The following MXD1 variants were observed in gnomAD, a reference collection of about 807,000 sequenced individuals.
MXD1 encodes the protein MAX dimerization protein 1.
In MXD1, 9 loss-of-function variants were observed where a neutral mutation model predicts 25.7. The ratio of observed to expected loss-of-function variants is 0.35; its 90% CI spans 0.21 to 0.61. The LOEUF is 0.61. Among genes scored for constraint, MXD1 ranks in the 20% least tolerant of loss-of-function variants. The pLI is 0.75. For missense variants in MXD1, 227 were observed against 292.4 expected (o/e 0.78, Z 1.63); for synonymous variants, 99 against 113.9 (o/e 0.87, Z 0.83).
At chr2:69,920,316 G>A (rs1049765984) in intron 2 of MXD1, among the ~76,000 whole-genome samples, 1 of 152,046 alleles carries the variant, frequency 6.6e-6, no homozygotes, top group Non-Finnish European at 1.5e-5. Context: ...ATTTTGGATT[G>A]GTTTGAATAC....
chr2:69,925,859 A>G (rs1031482649), intron 3 of MXD1, among the ~76,000 whole-genome samples: 1 of 152,214 alleles, frequency 6.6e-6, no homozygotes, highest in African/African-American at 2.4e-5. Flanking sequence ...ATTGTCCACC[A>G]GGCAGGTTAC....
chr2:69,915,294 T>TG lies in MXD1; in HGVS notation c.-32dup, dbSNP rs904575925. On this transcript the variant is annotated 5_prime_UTR_variant, in exon 1 of 6. Coordinates refer to ENST00000264444, the MANE Select transcript of MXD1 (RefSeq NM_002357.4). This position sits in a 1 kb window ranked among gnomAD's most constrained non-coding sequence, Gnocchi z 5.8. ...GCGGCGGCAGCGAGCCCGTGGGCAG[T>TG]GGGGGTTGGTCCCGTGGCTCCGGCC... The TG allele has an allele frequency of 1.3e-5, 17 of 1,302,322 alleles. No homozygotes were observed. The highest frequency in any genetic ancestry group is 1.7e-5 in the Non-Finnish European group (17 of 1,016,822). The allele number at this position is 1,302,322 out of a possible 1,614,324, so 80.7% of individuals were successfully genotyped here.
In MXD1 at chr2:69,938,511, AC is replaced by A. The variant is rs1424622274; in HGVS notation, c.*228del. On this transcript the variant is annotated 3_prime_UTR_variant, in exon 6 of 6. Transcript: ENST00000264444. ...TAAAAATTTGTCTCTGAGAGACTATACATTCCAATCAATTTGAAGCATCCAA... is the reference window on the plus strand; with the variant it reads ...TAAAAATTTGTCTCTGAGAGACTATAATTCCAATCAATTTGAAGCATCCAA... 1 of 506,374 alleles carries A rather than the reference AC, an allele frequency of 2.0e-6. No homozygotes were observed. Among genetic ancestry groups the A allele is most frequent in the African/African-American group, 1.9e-5 (1 of 51,576 alleles). 31.4% of individuals were successfully genotyped at this position (506,374 alleles called of 1,614,324 possible). A position where few individuals can be genotyped will look rare whatever the true frequency, so the allele number is the denominator to read the frequency against.
At chr2:69,927,067 T>C (rs997014729) in intron 3 of MXD1, among the ~76,000 whole-genome samples, 27 of 152,246 alleles carry the variant, frequency 1.8e-4, no homozygotes, top group African/African-American at 6.5e-4. Flanking sequence ...CAGCCCAATC[T>C]AAGCTGTTAT....
chr2:69,933,585 A>G (rs1677352684), intron 3 of MXD1, among the ~76,000 whole-genome samples: 1 of 152,154 alleles, frequency 6.6e-6, no homozygotes, highest in Non-Finnish European at 1.5e-5. Context: ...CAAGCCTTAG[A>G]GCACCCTTGG....
chr2:69,925,617 T>C (rs1187721816), intron 3 of MXD1, among the ~76,000 whole-genome samples: 2 of 152,166 alleles, frequency 1.3e-5, no homozygotes, highest in African/African-American at 4.8e-5. Context: ...GTTATAAACA[T>C]TTTCCAATGT....
At chr2:69,935,488 G>A in intron 4 of MXD1, 23 bp downstream of exon 4, 2 of 1,504,146 alleles carry the variant, frequency 1.3e-6, no homozygotes, top group Non-Finnish European at 1.9e-6. Context: ...TTGGGATGCT[G>A]CTTTATCTTT....
intron 3 of MXD1, among the ~76,000 whole-genome samples, chr2:69,932,728 C>G (rs1677320412): frequency 1.3e-5 from 2 of 152,156 alleles, no homozygotes; most frequent in South Asian, 4.1e-4. Flanking sequence ...GACAATGCAT[C>G]AAAAGATGAC....
At chr2:69,922,916 C>G (rs1354584194) in intron 3 of MXD1, among the ~76,000 whole-genome samples, 1 of 149,190 alleles carries the variant, frequency 6.7e-6, no homozygotes, top group African/African-American at 2.5e-5. Context: ...CTAATGTAAT[C>G]AACTCCTATG....
intron 4 of MXD1, among the ~76,000 whole-genome samples, chr2:69,936,299 T>C (rs577118954): frequency 6.6e-6 from 1 of 152,194 alleles, no homozygotes; most frequent in African/African-American, 2.4e-5. Flanking sequence ...TGTGTGACCA[T>C]TGTGTTGTCT....
Position 69,915,969 on chromosome 2 carries a change from A to T in MXD1, c.74-152A>T, listed in dbSNP as rs1676954810. On this transcript the variant is annotated intron_variant, in intron 1 of 5. Transcript: ENST00000264444. This position sits in a 1 kb window ranked among gnomAD's most constrained non-coding sequence, Gnocchi z 5.8. ...GACGATATTCACACAATTTTTTTTT[A>T]AATCATTGTTCTCAGAATTCCACCT... 5 of 634,230 alleles carry T rather than the reference A, an allele frequency of 7.9e-6. No homozygotes were observed. Among genetic ancestry groups the T allele is most frequent in the Admixed American group, 3.0e-5 (1 of 33,688 alleles). 39.3% of individuals were successfully genotyped at this position (634,230 alleles called of 1,614,324 possible).
chr2:69,915,528 C>T lies in MXD1; in HGVS notation c.73+125C>T. 2 of 697,706 alleles carry T rather than the reference C, an allele frequency of 2.9e-6. No homozygotes were observed. Among genetic ancestry groups the T allele is most frequent in the Non-Finnish European group, 4.1e-6 (2 of 487,674 alleles). The allele number at this position is 697,706 out of a possible 1,614,324, so 43.2% of individuals were successfully genotyped here. A position where few individuals can be genotyped will look rare whatever the true frequency, so the allele number is the denominator to read the frequency against. On this transcript the variant is annotated intron_variant, in intron 1 of 5. Transcript: ENST00000264444. This position sits in a 1 kb window ranked among gnomAD's most constrained non-coding sequence, Gnocchi z 5.8. ...GCGGGGAGACCGCGAGCGCTCCCAA[C>T]CCCTCTGGCTCTCCCCACGCGCGGT...
At position 69,937,342 on chromosome 2, in the gene MXD1, G is replaced by T; in HGVS notation, c.426G>T (p.Arg142=). The change falls in exon 5 of 6, where the codon CGG becomes CGT. Residue 142 remains arginine, a synonymous_variant. Coordinates refer to ENST00000264444, the MANE Select transcript of MXD1 (RefSeq NM_002357.4). ...AGAAGCTGGGCATTGAGAGGATCCGGATGGACAGCATCGGCTCCACCGTCT... is the reference window on the plus strand; with the variant it reads ...AGAAGCTGGGCATTGAGAGGATCCGTATGGACAGCATCGGCTCCACCGTCT... The part of the protein sequence containing the change: ...QLEKLGIERI[R]MDSIGSTVSS... 6.2e-7 allele frequency: 1 copy of T among 1,614,076 alleles called. No individual in the cohort carries two copies. The highest frequency in any genetic ancestry group is 8.5e-7 in the Non-Finnish European group (1 of 1,180,016).
At chr2:69,922,615 C>T (rs1483361637) in intron 3 of MXD1, among the ~76,000 whole-genome samples, 1 of 152,186 alleles carries the variant, frequency 6.6e-6, no homozygotes, top group African/African-American at 2.4e-5. Context: ...TACAGTGGCT[C>T]ATACCTGTAA....
At chr2:69,918,794 C>T (rs1029757113) in intron 2 of MXD1, among the ~76,000 whole-genome samples, 1 of 152,198 alleles carries the variant, frequency 6.6e-6, no homozygotes, top group African/African-American at 2.4e-5. Flanking sequence ...CCATTGTTTT[C>T]CATAATCACA....
rs1677541842 is a variant in MXD1 at position 69,939,275 on chromosome 2, T to C, written c.*991T>C. The C allele has an allele frequency of 6.6e-6, 1 of 152,626 alleles. No individual in the cohort carries two copies. Among genetic ancestry groups the C allele is most frequent in the African/African-American group, 2.4e-5 (1 of 41,450 alleles). The allele number at this position is 152,626 out of a possible 1,614,324, so 9.5% of individuals were successfully genotyped here. A position where few individuals can be genotyped will look rare whatever the true frequency, so the allele number is the denominator to read the frequency against. On this transcript the variant is annotated 3_prime_UTR_variant, in exon 6 of 6. Coordinates refer to ENST00000264444, the MANE Select transcript of MXD1 (RefSeq NM_002357.4). ...TGAAAGAAAAAGTCCACATTTCTAC[T>C]CTCTGTTGCAGGTGAACAGGAGAGG...
intron 3 of MXD1, among the ~76,000 whole-genome samples, chr2:69,924,270 C>T (rs1317751382): frequency 6.6e-6 from 1 of 152,188 alleles, no homozygotes; most frequent in African/African-American, 2.4e-5. Flanking sequence ...AACGTGAAGT[C>T]ACCACTAGGC....
rs1451046082 is a variant in MXD1, at chr2:69,933,225, CAAAAA to C, written c.204-2123_204-2119del. Among the ~76,000 whole-genome samples the C allele has an allele frequency of 6.6e-3, 734 of 111,280 alleles. 1 individual carries two copies. The highest frequency in any genetic ancestry group is 0.011 in the Non-Finnish European group (607 of 53,886). The allele number at this position is 111,280 out of a possible 152,430, so 73.0% of individuals were successfully genotyped here. ...CAAAAAAAAAAAAAAAAAAAAAAAA[CAAAAA>C]AAGAAAATTAGTCTATAAGTTTTAT... On this transcript the variant is annotated intron_variant, in intron 3 of 5. Coordinates refer to ENST00000264444, the MANE Select transcript of MXD1 (RefSeq NM_002357.4).
At chr2:69,919,030 C>T (rs902543539) in intron 2 of MXD1, among the ~76,000 whole-genome samples, 1 of 151,986 alleles carries the variant, frequency 6.6e-6, no homozygotes, top group African/African-American at 2.4e-5. Flanking sequence ...GTTTAACACT[C>T]GAGTAATCAA....
Sources: allele counts gnomAD v4.1 joint callset (sites outside exome capture counted in the v4.1 genomes callset), GRCh38; gene constraint gnomAD v4.1.1; non-coding constraint Gnocchi (gnomAD v3.1); transcripts MANE v1.5; gene names NCBI Gene and HGNC (gene_info 2026-07-23, HGNC 2026-07-21).